Variants in ADGRF5 observed in about 807,000 individuals in gnomAD.
ADGRF5 encodes adhesion G protein-coupled receptor F5, also known as G-protein coupled receptor 116.
Under a neutral mutation model 132.3 loss-of-function variants are expected in ADGRF5, and 75 were observed. The ratio of observed to expected loss-of-function variants is 0.57; its 90% CI spans 0.47 to 0.69. The LOEUF is 0.69. Ranked by LOEUF, ADGRF5 falls within the 30% of genes least tolerant of loss-of-function variation. ADGRF5 has a pLI of 0.00. For synonymous variants in ADGRF5, 629 were observed against 597.6 expected, an observed-to-expected ratio of 1.05 and a Z score of -0.77; for missense variants, 1,516 against 1,630.6, an observed-to-expected ratio of 0.93 and a Z score of 1.21.
chr6:46,929,933 G>A (rs764397259), intron 1 of ADGRF5, among the ~76,000 whole-genome samples: 84 of 152,104 alleles, frequency 5.5e-4, no homozygotes, highest in Non-Finnish European at 1.1e-3. Flanking sequence ...CAATTCTCCT[G>A]TCTCAGCCTA....
intron 5 of ADGRF5, 129 bp downstream of exon 5, chr6:46,883,966 T>G: frequency 1.2e-6 from 1 of 824,168 alleles, no homozygotes; most frequent in Non-Finnish European, 2.0e-6. Flanking sequence ...GCTGTCAAAG[T>G]CCTGACCACA....
chr6:46,953,013 T>C (rs1022004186), intron 1 of ADGRF5, among the ~76,000 whole-genome samples: 1 of 152,020 alleles, frequency 6.6e-6, no homozygotes, highest in Non-Finnish European at 1.5e-5. Context: ...CACACAGAAA[T>C]AGGCAGGCAT....
intron 1 of ADGRF5, among the ~76,000 whole-genome samples, chr6:46,913,652 T>C (rs188909286): frequency 1.3e-5 from 2 of 152,262 alleles, no homozygotes; most frequent in Admixed American, 1.3e-4. Flanking sequence ...GGATAGAAAC[T>C]GTACTGGGAA....
At chr6:46,951,585 A>G (rs1189823249) in intron 1 of ADGRF5, among the ~76,000 whole-genome samples, 1 of 152,192 alleles carries the variant, frequency 6.6e-6, no homozygotes, top group African/African-American at 2.4e-5. Flanking sequence ...TGCTGCAGTG[A>G]GGGATGATGT....
At chr6:46,889,570 A>G (rs12207865) in intron 3 of ADGRF5, among the ~76,000 whole-genome samples, 26,228 of 73,286 alleles carry the variant, frequency 0.36, 2,777 homozygotes, top group African/African-American at 0.5. Context: ...GTGTGTGTGT[A>G]TATATATATA....
At chr6:46,885,278 T>C (rs1229721815) in intron 4 of ADGRF5, among the ~76,000 whole-genome samples, 1 of 152,000 alleles carries the variant, frequency 6.6e-6, no homozygotes, top group Non-Finnish European at 1.5e-5. Context: ...AGTTGTGCTT[T>C]CATATGATGA....
At chr6:46,862,804 A>T in intron 15 of ADGRF5, 84 bp downstream of exon 15, 1 of 834,134 alleles carries the variant, frequency 1.2e-6, no homozygotes, top group Non-Finnish European at 2.0e-6. Context: ...GCAGCACCAA[A>T]CCCATTTTCC....
chr6:46,884,204 C>A lies in ADGRF5; in HGVS notation c.396G>T (p.Arg132Ser). 1 of 1,614,082 alleles carries A rather than the reference C, an allele frequency of 6.2e-7. No homozygotes were observed. Among genetic ancestry groups the A allele is most frequent in the Non-Finnish European group, 8.5e-7 (1 of 1,179,924 alleles). Residue 132 changes from arginine to serine, a missense_variant, in exon 5 of 21, where the codon AGG (arginine) becomes AGT (serine). Coordinates refer to ENST00000283296, the MANE Select transcript of ADGRF5 (RefSeq NM_001098518.2). The part of the protein sequence containing the change: ...CETGYGWPRE[R>S]CLHNLICQER... ...CTTGACAAATGAGATTGTGAAGACA[C>A]CTTTCCCGAGGCCACCCATAACCTG...
At chr6:46,937,052 A>G (rs992654667) in intron 1 of ADGRF5, among the ~76,000 whole-genome samples, 7 of 152,164 alleles carry the variant, frequency 4.6e-5, no homozygotes, top group African/African-American at 1.7e-4. Context: ...TGTCGGTTCT[A>G]TGTTGACTTA....
chr6:46,891,174 A>C (rs1329810320), intron 3 of ADGRF5, among the ~76,000 whole-genome samples: 1 of 152,236 alleles, frequency 6.6e-6, no homozygotes, highest in Non-Finnish European at 1.5e-5. Flanking sequence ...AAATAGAATA[A>C]AGTGACTTTT....
At position 46,906,765 on chromosome 6, in the gene ADGRF5, C is replaced by G; in HGVS notation, c.-3G>C. The G allele has an allele frequency of 6.5e-7, 1 of 1,535,920 alleles. No individual in the cohort carries two copies. Among genetic ancestry groups the G allele is most frequent in the Non-Finnish European group, 9.0e-7 (1 of 1,109,232 alleles). On this transcript the variant is annotated 5_prime_UTR_variant, in exon 2 of 21. Transcript: ENST00000283296. ...GTGGTTCTCCTTGGGGATTTCATGT[C>G]TTCAAGTTTGAGTTGGTTGGCCTGA...
At chr6:46,860,111 G>A (rs1769564019) in intron 16 of ADGRF5, among the ~76,000 whole-genome samples, 1 of 152,132 alleles carries the variant, frequency 6.6e-6, no homozygotes, top group Non-Finnish European at 1.5e-5. Context: ...CAAGACTATA[G>A]CTCCTGCTGA....
intron 1 of ADGRF5, among the ~76,000 whole-genome samples, chr6:46,929,514 A>AT (rs1229450415): frequency 7.5e-6 from 1 of 132,508 alleles, no homozygotes; most frequent in Non-Finnish European, 1.6e-5. Flanking sequence ...AAAAATAAAA[A>AT]TAAAAAAAAG....
At chr6:46,943,370 A>G (rs1778171723) in intron 1 of ADGRF5, among the ~76,000 whole-genome samples, 1 of 152,178 alleles carries the variant, frequency 6.6e-6, no homozygotes, top group Non-Finnish European at 1.5e-5. Flanking sequence ...CATATTCACA[A>G]ATAGGATATT....
chr6:46,924,112 A>G (rs1777135804), upstream of ADGRF5, among the ~76,000 whole-genome samples: 1 of 152,212 alleles, frequency 6.6e-6, no homozygotes, highest in Non-Finnish European at 1.5e-5. Context: ...GCATGTTCCC[A>G]GCTGTTTCAC....
upstream of ADGRF5, among the ~76,000 whole-genome samples, chr6:46,924,598 T>C (rs573988851): frequency 7.9e-5 from 12 of 152,230 alleles, no homozygotes; most frequent in South Asian, 8.3e-4. Context: ...ATCTCTATCA[T>C]AGACCTCTCA....
chr6:46,909,623 G>A (rs1775737113), intron 1 of ADGRF5, among the ~76,000 whole-genome samples: 1 of 152,194 alleles, frequency 6.6e-6, no homozygotes, highest in South Asian at 2.1e-4. Context: ...CTCTTGCAGA[G>A]TGATTATGCA....
intron 1 of ADGRF5, among the ~76,000 whole-genome samples, chr6:46,948,535 C>T (rs1449689012): frequency 2.0e-5 from 3 of 148,876 alleles, no homozygotes; most frequent in African/African-American, 5.0e-5. Context: ...TTTATTGGGG[C>T]TGTGTGTACA....
intron 10 of ADGRF5, among the ~76,000 whole-genome samples, chr6:46,877,255 C>CTTTCTTTCTT (rs1419705536): frequency 2.9e-5 from 1 of 34,988 alleles, no homozygotes; most frequent in Non-Finnish European, 5.4e-5. Flanking sequence ...TTCTTTCTTT[C>CTTTCTTTCTT]TTTCTTTCTT....
Sources: allele counts gnomAD v4.1 joint callset (sites outside exome capture counted in the v4.1 genomes callset), GRCh38; gene constraint gnomAD v4.1.1; transcripts MANE v1.5; gene names NCBI Gene and HGNC (gene_info 2026-07-23, HGNC 2026-07-21).